Variants in SVIL observed in about 807,000 individuals in gnomAD.
SVIL encodes the protein archvillin.
Under a neutral mutation model 240.4 loss-of-function variants are expected in SVIL, and 101 were observed. The observed-to-expected ratio is 0.42, with a 90% CI of 0.36 to 0.50. SVIL has a LOEUF of 0.50. SVIL is among the 20% of genes least tolerant of loss of function. The pLI is 0.01. For missense variants in SVIL, 2,512 were observed against 2,818.7 expected (o/e 0.89, Z 2.46); for synonymous variants, 999 against 1,100.0 (o/e 0.91, Z 1.82).
At chr10:29,567,910 G>A (rs566955645) in intron 2 of SVIL, among the ~76,000 whole-genome samples, 18 of 151,972 alleles carry the variant, frequency 1.2e-4, no homozygotes, top group African/African-American at 4.1e-4. Flanking sequence ...CCAGCCACTC[G>A]GGAGGCTGAG....
intron 2 of SVIL, among the ~76,000 whole-genome samples, chr10:29,661,330 G>C (rs1408226369): frequency 1.3e-5 from 2 of 152,052 alleles, no homozygotes; most frequent in African/African-American, 4.8e-5. Context: ...GGATCATTTA[G>C]GAAAAATAAA....
At chr10:29,690,288 C>G (rs979329491) in intron 1 of SVIL, among the ~76,000 whole-genome samples, 2 of 152,144 alleles carry the variant, frequency 1.3e-5, no homozygotes, top group Non-Finnish European at 2.9e-5. Context: ...GCTAAAATAA[C>G]TTATTTTCAT....
chr10:29,518,788 G>A (rs1354023611), intron 16 of SVIL, among the ~76,000 whole-genome samples: 5 of 152,170 alleles, frequency 3.3e-5, no homozygotes, highest in African/African-American at 7.2e-5. Context: ...CCTGGGAGGC[G>A]GAGGTTGTAG....
chr10:29,506,794 GAGGGAGGGGACAGAGGGCCTAC>G (rs1349023213), intron 17 of SVIL, among the ~76,000 whole-genome samples: 2 of 124,020 alleles, frequency 1.6e-5, no homozygotes, highest in Non-Finnish European at 3.6e-5. Flanking sequence ...GAGGCCCTAT[GAGGGAGGGGACAGAGGGCCTAC>G]AGGGAAGGGA....
At chr10:29,550,417 G>A (rs1301580396) in intron 6 of SVIL, among the ~76,000 whole-genome samples, 180 bp downstream of exon 6, 7 of 151,254 alleles carry the variant, frequency 4.6e-5, no homozygotes, top group Non-Finnish European at 1.0e-4. Flanking sequence ...CCTCCAGCCT[G>A]GGCAACAGAG....
At chr10:29,521,019 C>G (rs768390299) in intron 16 of SVIL, among the ~76,000 whole-genome samples, 1 of 151,274 alleles carries the variant, frequency 6.6e-6, no homozygotes, top group African/African-American at 2.4e-5. Flanking sequence ...GTCAGGAGAT[C>G]GAGATCATCC....
chr10:29,622,307 G>A (rs149534439), intron 1 of SVIL, among the ~76,000 whole-genome samples: 2,115 of 144,760 alleles, frequency 0.015, 23 homozygotes, highest in Non-Finnish European at 0.022. Context: ...TCAATCTCTC[G>A]TTTTTCAGGT....
chr10:29,462,214 A>T, intron 36 of SVIL, 63 bp downstream of exon 36: 2 of 1,558,034 alleles, frequency 1.3e-6, no homozygotes, highest in Non-Finnish European at 1.7e-6. Context: ...TCCCCAAAGT[A>T]AAGTTAACCC....
chr10:29,554,529 T>C (rs7894470), intron 5 of SVIL, among the ~76,000 whole-genome samples: 45,252 of 151,822 alleles, frequency 0.3, 7,030 homozygotes, highest in African/African-American at 0.38. Context: ...TGTAAGCCTG[T>C]AGTCCCAGCA....
In SVIL at chr10:29,462,411, C is replaced by G. The variant is rs764377665; in HGVS notation, c.6278-10G>C. 7.4e-6 allele frequency: 12 copies of G among 1,613,644 alleles called. No individual in the cohort carries two copies. Among genetic ancestry groups the G allele is most frequent in the Non-Finnish European group, 7.6e-6 (9 of 1,179,832 alleles). Reference sequence around the variant, plus strand: ...TTCTTGAGATTTTTTCCTGTAGTTACACAGATTGCAATGTCAGTAGACCCC... The same window carrying G: ...TTCTTGAGATTTTTTCCTGTAGTTAGACAGATTGCAATGTCAGTAGACCCC... On this transcript the variant is annotated splice_polypyrimidine_tract_variant and intron_variant, in intron 35 of 37. Coordinates refer to ENST00000355867, the MANE Select transcript of SVIL (RefSeq NM_021738.3).
intron 35 of SVIL, 73 bp downstream of exon 35, chr10:29,463,419 G>GAA: frequency 1.3e-6 from 2 of 1,524,050 alleles, no homozygotes; most frequent in Non-Finnish European, 1.8e-6. Context: ...GGGGAAGGGG[G>GAA]TCTCCTGGCT....
At chr10:29,594,823 T>C (rs564673099) in intron 1 of SVIL, among the ~76,000 whole-genome samples, 9 of 152,334 alleles carry the variant, frequency 5.9e-5, no homozygotes, top group East Asian at 5.8e-4. Flanking sequence ...TTCCAAAGCA[T>C]TGGGATTACA....
chr10:29,736,233 T>G (rs1964895144), upstream of SVIL, among the ~76,000 whole-genome samples: 1 of 151,928 alleles, frequency 6.6e-6, no homozygotes. Context: ...TCCTCGGAGG[T>G]GGCCCAAGGA....
chr10:29,685,201 T>C (rs1960971209), intron 2 of SVIL, among the ~76,000 whole-genome samples: 1 of 152,250 alleles, frequency 6.6e-6, no homozygotes, highest in Admixed American at 6.5e-5. Context: ...ATTAGTTTGC[T>C]AAGGATAATG....
chr10:29,591,952 A>C (rs74129737), intron 1 of SVIL, among the ~76,000 whole-genome samples: 1,676 of 152,304 alleles, frequency 0.011, 36 homozygotes, highest in African/African-American at 0.038. Flanking sequence ...CTCATGGGAC[A>C]TAAAGAGGTT....
At chr10:29,607,797 G>T (rs544346132) in intron 1 of SVIL, among the ~76,000 whole-genome samples, 2 of 152,278 alleles carry the variant, frequency 1.3e-5, no homozygotes, top group South Asian at 4.1e-4. Flanking sequence ...GCAGCTCAAG[G>T]CTTCCCATCC....
rs143104241 is a variant in SVIL, at chr10:29,533,097, C to T, written c.1270G>A (p.Glu424Lys). 7.8e-5 allele frequency: 126 copies of T among 1,613,886 alleles called. No homozygotes were observed. Among genetic ancestry groups the T allele is most frequent in the Admixed American group, 3.2e-4 (19 of 59,958 alleles). The change falls in exon 8 of 38, where the codon GAG becomes AAG. Residue 424 changes from glutamate (E) to lysine (K), a missense_variant. Physicochemically the swap from Glu to Lys is moderately conservative, Grantham distance 56 (BLOSUM62 1). This residue lies in a region of SVIL where 1,443 missense variants were observed against 1,486.6 expected (regional missense o/e 0.97). Transcript: ENST00000355867. ...CCTTCTTCTTCTTCTGCTTTTGACT[C>T]GCAGACATGGAGAACTGGGCTATCC... ...GRDSPVLHVC[E>K]SKAEEEEGEG...
At chr10:29,636,450 T>C (rs1958314050), upstream of SVIL, among the ~76,000 whole-genome samples, 1 of 152,180 alleles carries the variant, frequency 6.6e-6, no homozygotes, top group Non-Finnish European at 1.5e-5. Flanking sequence ...TAAACATCAG[T>C]CTTTTGTGTG....
chr10:29,608,172 C>G lies in SVIL; in HGVS notation c.-201+26248G>C, dbSNP rs534260276. 1.4e-4 allele frequency among the ~76,000 whole-genome samples: 22 copies of G among 152,304 alleles called. No individual in the cohort carries two copies. The South Asian group carries it at 4.6e-3, about 32-fold the overall frequency. On this transcript the variant is annotated intron_variant, in intron 1 of 37. Transcript: ENST00000355867. The stretch of plus-strand genomic sequence containing the variant: ...GCCTCCTCACCCCTTCAGGTGCCCT[C>G]ACTCATGGCCAGGCTGGGCAGGATT...
Sources: allele counts gnomAD v4.1 joint callset (sites outside exome capture counted in the v4.1 genomes callset), GRCh38; gene constraint gnomAD v4.1.1; regional missense constraint gnomAD v4.1.1; transcripts MANE v1.5; gene names NCBI Gene and HGNC (gene_info 2026-07-23, HGNC 2026-07-21).